Variants in SLC35F2 observed in about 807,000 individuals in gnomAD.
SLC35F2 encodes the protein queuine/queuosine transporter SLC35F2.
SLC35F2 carries 25 observed loss-of-function variants against 38.1 expected under a neutral mutation model. The ratio of observed to expected loss-of-function variants is 0.66; its 90% confidence interval spans 0.48 to 0.92. The LOEUF (loss-of-function observed/expected upper bound fraction) is 0.92. Ranked by LOEUF, SLC35F2 falls within the 40% of genes least tolerant of loss-of-function variation. SLC35F2 has a pLI of 0.00. For missense variants in SLC35F2, 409 were observed against 452.9 expected (o/e 0.90, Z 0.88); for synonymous variants, 173 against 181.7 (o/e 0.95, Z 0.38).
Position 107,791,290 on chromosome 11 carries a change from T to A in SLC35F2, c.*1325A>T, listed in dbSNP as rs1859126806. On this transcript the variant is annotated 3_prime_UTR_variant, in exon 8 of 8. Transcript: ENST00000525815. ...TTTTCATTTTGATGAGAATCTTTTC[T>A]TGTTTTTACCAGTTATAAAAACAAA... The A allele has an allele frequency of 6.6e-6, 1 of 152,282 alleles. No individual in the cohort carries two copies. Among genetic ancestry groups the A allele is most frequent in the Non-Finnish European group, 1.5e-5 (1 of 68,044 alleles). The allele number at this position is 152,282 out of a possible 1,614,324, so 9.4% of individuals were successfully genotyped here. A position where few individuals can be genotyped will look rare whatever the true frequency, so the allele number is the denominator to read the frequency against.
intron 1 of SLC35F2, chr11:107,840,534 A>G (rs1370433342): frequency 1.3e-5 from 2 of 152,232 alleles, no homozygotes; most frequent in African/African-American, 4.8e-5. Flanking sequence ...ATCGCTTTCA[A>G]CACTTGAGGG....
At position 107,804,754 on chromosome 11, in the gene SLC35F2, T is replaced by G; in HGVS notation, c.748A>C (p.Lys250Gln). 3.7e-6 allele frequency: 6 copies of G among 1,607,350 alleles called. No homozygotes were observed. Among genetic ancestry groups the G allele is most frequent in the Non-Finnish European group, 5.1e-6 (6 of 1,177,604 alleles). The change falls in exon 6 of 8, where the codon AAG becomes CAG. Residue 250 changes from lysine to glutamine, a missense_variant. Coordinates refer to ENST00000525815, the MANE Select transcript of SLC35F2 (RefSeq NM_017515.5). Reference protein sequence around the residue: ...SGIQLLIVEYKDIASIHWDWK... With the variant: ...SGIQLLIVEYQDIASIHWDWK... ...TCCCAATGAATGCTGGCAATATCCT[T>G]ATATTCCACAATCAATCTAAGATTA...
chr11:107,852,944 T>TGAGACAGGAGACTCGCTTG (rs1860211742), intron 1 of SLC35F2, among the ~76,000 whole-genome samples: 1 of 151,512 alleles, frequency 6.6e-6, no homozygotes, highest in Non-Finnish European at 1.5e-5. Context: ...CTCAGGAGGC[T>TGAGACAGGAGACTCGCTTG]GAGACAGGAG....
intron 1 of SLC35F2, among the ~76,000 whole-genome samples, chr11:107,844,818 CA>C (rs1177073141): frequency 6.7e-6 from 1 of 149,028 alleles, no homozygotes; most frequent in Non-Finnish European, 1.5e-5. Context: ...ACTAAAAATA[CA>C]AAAAAAATTA....
chr11:107,843,254 G>C (rs933211243), intron 1 of SLC35F2, among the ~76,000 whole-genome samples: 1 of 152,066 alleles, frequency 6.6e-6, no homozygotes, highest in Non-Finnish European at 1.5e-5. Flanking sequence ...GCGTTTACGG[G>C]AACTTACTAT....
intron 1 of SLC35F2, among the ~76,000 whole-genome samples, chr11:107,836,394 G>A (rs1322874371): frequency 3.3e-5 from 5 of 151,628 alleles, no homozygotes; most frequent in Admixed American, 3.3e-4. Context: ...GTAGGTGGAA[G>A]AATACTGGTC....
chr11:107,802,853 T>C, intron 7 of SLC35F2, 148 bp downstream of exon 7: 1 of 733,120 alleles, frequency 1.4e-6, no homozygotes, highest in Non-Finnish European at 2.2e-6. Flanking sequence ...ATTTTGTAAT[T>C]CAGAAGCAGC....
At chr11:107,800,361 A>C (rs953805054) in intron 7 of SLC35F2, among the ~76,000 whole-genome samples, 1 of 152,144 alleles carries the variant, frequency 6.6e-6, no homozygotes, top group Admixed American at 6.5e-5. Flanking sequence ...ACTGAGCTTA[A>C]TGTATCAGTA....
At chr11:107,833,294 G>A (rs1009321960) in intron 1 of SLC35F2, among the ~76,000 whole-genome samples, 2 of 152,070 alleles carry the variant, frequency 1.3e-5, no homozygotes, top group South Asian at 4.1e-4. Flanking sequence ...GGCTGAGGTG[G>A]GCAGATCACG....
At chr11:107,809,240 A>G (rs1290790606) in intron 3 of SLC35F2, among the ~76,000 whole-genome samples, 2 of 150,124 alleles carry the variant, frequency 1.3e-5, no homozygotes, top group Non-Finnish European at 3.0e-5. Flanking sequence ...TCCCAGCACT[A>G]TGAGAGGCCA....
intron 1 of SLC35F2, among the ~76,000 whole-genome samples, chr11:107,836,150 AG>A (rs1184442725): frequency 6.6e-6 from 1 of 152,204 alleles, no homozygotes; most frequent in Non-Finnish European, 1.5e-5. Flanking sequence ...TCAAACACTG[AG>A]TATGTGTAAA....
chr11:107,851,071 T>C (rs968104739), intron 1 of SLC35F2, among the ~76,000 whole-genome samples: 1 of 151,722 alleles, frequency 6.6e-6, no homozygotes, highest in African/African-American at 2.4e-5. Context: ...GAGACCAGCC[T>C]GGCCAATATG....
rs911585535 is a variant in SLC35F2, at chr11:107,857,433, T to C, written c.110+1225A>G. Among the ~76,000 whole-genome samples, 3 of 152,146 alleles carry C rather than the reference T, an allele frequency of 2.0e-5. No homozygotes were observed. The East Asian group carries it at 5.8e-4, about 29-fold the overall frequency. On this transcript the variant is annotated intron_variant, in intron 1 of 7. Transcript: ENST00000525815. ...CTTGTCCAAGGTCACCCAGCCAGGA[T>C]TTGAGTCCAGAATGTGAGTGCCCTT...
intron 7 of SLC35F2, among the ~76,000 whole-genome samples, chr11:107,793,793 T>C (rs571418): frequency 0.49 from 74,449 of 151,708 alleles, 18,656 homozygotes; most frequent in Non-Finnish European, 0.53. Context: ...TCTCATACAC[T>C]CTCTGTTCCC....
At chr11:107,805,008 A>C in intron 5 of SLC35F2, 1 of 977,622 alleles carries the variant, frequency 1.0e-6, no homozygotes, top group Non-Finnish European at 1.2e-6. Flanking sequence ...TATAGGAGGA[A>C]AATATGATAT....
chr11:107,845,091 AT>A (rs1408513137), intron 1 of SLC35F2, among the ~76,000 whole-genome samples: 1 of 151,926 alleles, frequency 6.6e-6, no homozygotes, highest in Non-Finnish European at 1.5e-5. Flanking sequence ...TATTATTTTT[AT>A]TTCTTGCTTC....
Position 107,792,418 on chromosome 11 carries a change from C to T in SLC35F2, c.*197G>A, listed in dbSNP as rs575891225. 1.7e-6 allele frequency: 1 copy of T among 593,536 alleles called. No homozygotes were observed. Among genetic ancestry groups the T allele is most frequent in the Non-Finnish European group, 2.8e-6 (1 of 354,760 alleles). The allele number at this position is 593,536 out of a possible 1,614,324, so 36.8% of individuals were successfully genotyped here. A position where few individuals can be genotyped will look rare whatever the true frequency, so the allele number is the denominator to read the frequency against. On this transcript the variant is annotated 3_prime_UTR_variant, in exon 8 of 8. Transcript: ENST00000525815. ...TGGTCCTCAAACACAGAAACACACT[C>T]TTAGCTTGGTTTCTGCTCTATTTTG...
intron 1 of SLC35F2, among the ~76,000 whole-genome samples, chr11:107,834,123 G>A (rs1221037565): frequency 6.6e-6 from 1 of 152,152 alleles, no homozygotes; most frequent in Non-Finnish European, 1.5e-5. Flanking sequence ...TACTTACACA[G>A]GTTAACTCCT....
chr11:107,803,248 C>T (rs1349962589), intron 6 of SLC35F2, 93 bp from the exon 7 acceptor site: 1 of 1,416,008 alleles, frequency 7.1e-7, no homozygotes, highest in Non-Finnish European at 9.3e-7. Flanking sequence ...ACTCCCTAAC[C>T]CTTTAACATA....
Sources: gnomAD v4.1 joint callset for allele counts (sites outside exome capture counted in the v4.1 genomes callset) on GRCh38, gnomAD v4.1.1 for gene constraint, MANE v1.5 for transcripts, NCBI Gene and HGNC (gene_info 2026-07-23, HGNC 2026-07-21) for gene names.